GPR137C: variants seen among roughly 807,000 people sequenced by gnomAD.
The protein encoded by GPR137C is G protein-coupled receptor 137C.
Under a neutral mutation model 43.4 loss-of-function variants are expected in GPR137C, and 27 were observed. That is an observed-to-expected ratio of 0.62 (90% CI 0.46 to 0.86). GPR137C has a LOEUF of 0.86. GPR137C is among the 40% of genes least tolerant of loss of function. The pLI, the probability that GPR137C is intolerant of heterozygous loss-of-function variation, is 0.00. For synonymous variants in GPR137C, 285 were observed against 226.9 expected, an observed-to-expected ratio of 1.26 and a Z score of -2.30; for missense variants, 522 against 534.6, an observed-to-expected ratio of 0.98 and a Z score of 0.23.
chr14:52,629,306 C>T (rs960502737), intron 3 of GPR137C, among the ~76,000 whole-genome samples: 1 of 152,168 alleles, frequency 6.6e-6, no homozygotes, highest in African/African-American at 2.4e-5. Context: ...ATCCACAAAA[C>T]TATTTGTACA....
rs1015276674 is a variant in GPR137C at position 52,598,296 on chromosome 14, A to C, written c.469A>C (p.Thr157Pro). The C allele has an allele frequency of 1.4e-6, 2 of 1,405,436 alleles. No homozygotes were observed. The highest frequency in any genetic ancestry group is 1.9e-6 in the Non-Finnish European group (2 of 1,032,048). 87.1% of individuals were successfully genotyped at this position (1,405,436 alleles called of 1,614,324 possible). A position where few individuals can be genotyped will look rare whatever the true frequency, so the allele number is the denominator to read the frequency against. The change falls in exon 2 of 7, where the codon ACT becomes CCT. Residue 157 changes from threonine to proline, a missense_variant. This residue lies in a region of GPR137C where 437 missense variants were observed against 425.7 expected (regional missense o/e 1.03). Coordinates refer to ENST00000321662, the MANE Select transcript of GPR137C (RefSeq NM_001099652.2). ...AEVICKVRCATELDRHKILLH... is the reference protein window; with the variant it reads ...AEVICKVRCAPELDRHKILLH... ...GGTTATATGTAAAGTCAGATGTGCC[A>C]CTGAACTTGACAGACACAAGTAAGT...
At chr14:52,558,656 G>A (rs987912915) in intron 1 of GPR137C, among the ~76,000 whole-genome samples, 2 of 152,102 alleles carry the variant, frequency 1.3e-5, no homozygotes, top group African/African-American at 4.8e-5. Context: ...ATCACACTGG[G>A]GAATTGCAGA....
intron 3 of GPR137C, among the ~76,000 whole-genome samples, chr14:52,602,324 CCT>C (rs139916630): frequency 6.8e-6 from 1 of 147,332 alleles, no homozygotes; most frequent in Non-Finnish European, 1.5e-5. Flanking sequence ...TGTTTCTGTC[CCT>C]CTCTCTCTCT....
At chr14:52,607,185 T>C (rs771269003) in intron 3 of GPR137C, among the ~76,000 whole-genome samples, 1 of 152,208 alleles carries the variant, frequency 6.6e-6, no homozygotes, top group African/African-American at 2.4e-5. Context: ...ATTAATTTGT[T>C]GAGACTTGTT....
Position 52,590,318 on chromosome 14 carries a change from ATTTGTGT to A in GPR137C, c.445-7950_445-7944del, listed in dbSNP as rs541349028. On this transcript the variant is annotated intron_variant, in intron 1 of 6. Transcript: ENST00000321662. ...ATATTTTTGTACAGCTGTATGACGT[ATTTGTGT>A]TTTAAGCCAAGGGTCAGTACAAGAG... is the stretch of plus-strand genomic sequence containing the variant. Among the ~76,000 whole-genome samples, 28 of 152,320 alleles carry A rather than the reference ATTTGTGT, an allele frequency of 1.8e-4. No homozygotes were observed. The South Asian group carries it at 5.6e-3, about 30-fold the overall frequency.
intron 6 of GPR137C, among the ~76,000 whole-genome samples, chr14:52,634,188 G>A (rs184646922): frequency 1.1e-4 from 17 of 152,104 alleles, no homozygotes; most frequent in African/African-American, 3.1e-4. Flanking sequence ...ATTTCATTTC[G>A]GGATCACTTG....
intron 3 of GPR137C, chr14:52,612,139 A>T (rs2039044958): frequency 2.0e-6 from 2 of 983,122 alleles, no homozygotes; most frequent in Non-Finnish European, 2.4e-6. Flanking sequence ...CTAAAAATGT[A>T]TTTTTTCTGA....
intron 1 of GPR137C, among the ~76,000 whole-genome samples, chr14:52,564,011 C>T (rs1337922913): frequency 6.6e-6 from 1 of 152,000 alleles, no homozygotes; most frequent in Non-Finnish European, 1.5e-5. Context: ...CACGGTGGCT[C>T]ACACCCGTAA....
intron 3 of GPR137C, among the ~76,000 whole-genome samples, chr14:52,610,076 T>C (rs1251646214): frequency 1.3e-5 from 2 of 152,204 alleles, no homozygotes; most frequent in Non-Finnish European, 2.9e-5. Flanking sequence ...GATGGCTTCT[T>C]TGCATTCAGG....
rs1452220444 is a variant in GPR137C at position 52,568,291 on chromosome 14, C to A, written c.444+14700C>A. Among the ~76,000 whole-genome samples, 6 of 152,106 alleles carry A rather than the reference C, an allele frequency of 3.9e-5. No individual in the cohort carries two copies. The East Asian group carries it at 1.2e-3, about 29-fold the overall frequency. On this transcript the variant is annotated intron_variant, in intron 1 of 6. Transcript: ENST00000321662. ...TCCAGCTCAGATACTATGCTTTTTC[C>A]ACGGTCTTCCCAACCTGCAAACCAG...
At chr14:52,608,714 C>CT (rs1258756330) in intron 3 of GPR137C, among the ~76,000 whole-genome samples, 2,241 of 145,570 alleles carry the variant, frequency 0.015, 50 homozygotes, top group African/African-American at 0.05. Flanking sequence ...TCTTAGAAGG[C>CT]TTTTTTTTTT....
At chr14:52,632,431 T>G in intron 4 of GPR137C, 122 bp downstream of exon 4, 2 of 683,286 alleles carry the variant, frequency 2.9e-6, no homozygotes, top group South Asian at 4.3e-5. Context: ...CTGTCAGTAA[T>G]CATACTTAAA....
intron 3 of GPR137C, among the ~76,000 whole-genome samples, chr14:52,621,558 C>T (rs1477705249): frequency 2.0e-5 from 3 of 151,744 alleles, no homozygotes; most frequent in East Asian, 1.9e-4. Context: ...ACAAAAATCA[C>T]GTAATATTGT....
intron 3 of GPR137C, among the ~76,000 whole-genome samples, chr14:52,600,635 C>T (rs1250483844): frequency 6.6e-6 from 1 of 152,012 alleles, no homozygotes; most frequent in Non-Finnish European, 1.5e-5. Context: ...GACAGTTACA[C>T]TTTGAGCGTG....
At chr14:52,613,244 CT>C (rs2039058987) in intron 3 of GPR137C, 1 of 141,462 alleles carries the variant, frequency 7.1e-6, no homozygotes, top group Non-Finnish European at 1.5e-5. Context: ...GAGACTCCAC[CT>C]CAAAAAAAAA....
chr14:52,607,304 A>C (rs1268030333), intron 3 of GPR137C, among the ~76,000 whole-genome samples: 2 of 152,214 alleles, frequency 1.3e-5, no homozygotes, highest in Non-Finnish European at 2.9e-5. Context: ...TGTTAGGGCT[A>C]GTTGGCTTAG....
intron 1 of GPR137C, among the ~76,000 whole-genome samples, chr14:52,588,935 A>T (rs987541180): frequency 3.3e-5 from 5 of 152,220 alleles, no homozygotes; most frequent in Non-Finnish European, 7.3e-5. Flanking sequence ...TAGAACATTG[A>T]TGTTCATAGC....
chr14:52,590,705 G>T (rs1303230141), intron 1 of GPR137C, among the ~76,000 whole-genome samples: 1 of 152,186 alleles, frequency 6.6e-6, no homozygotes, highest in African/African-American at 2.4e-5. Context: ...ATGCTGTACA[G>T]GTTTGTAGCC....
intron 2 of GPR137C, among the ~76,000 whole-genome samples, chr14:52,598,911 T>C (rs2038889994): frequency 1.3e-5 from 2 of 152,236 alleles, no homozygotes; most frequent in Non-Finnish European, 2.9e-5. Flanking sequence ...ATACAACCTT[T>C]TAAAACTAAA....
Sources: allele counts gnomAD v4.1 joint callset (sites outside exome capture counted in the v4.1 genomes callset), GRCh38; gene constraint gnomAD v4.1.1; regional missense constraint gnomAD v4.1.1; transcripts MANE v1.5; gene names NCBI Gene and HGNC (gene_info 2026-07-23, HGNC 2026-07-21).